The following MAGEB1 variants were observed in gnomAD, a reference collection of about 807,000 sequenced individuals.
The protein encoded by MAGEB1 is melanoma-associated antigen B1.
For synonymous variants in MAGEB1, 99 were observed against 105.7 expected, an observed-to-expected ratio of 0.94 and a Z score of 0.39; for missense variants, 290 against 286.7, an observed-to-expected ratio of 1.01 and a Z score of -0.08.
upstream of MAGEB1, chrX:30,243,929 GT>G (rs1295468266): frequency 1.6e-5 from 2 of 124,106 alleles, no homozygotes; most frequent in African/African-American, 6.4e-5. Context: ...TCTTTTTCCT[GT>G]TTTTCAGTGT....
chrX:30,245,034 G>A (rs922556713), upstream of MAGEB1, among the ~76,000 whole-genome samples: 14 of 111,667 alleles, frequency 1.3e-4, no homozygotes, highest in African/African-American at 4.6e-4. Flanking sequence ...AAATTCTAAG[G>A]GAGATCTAGA....
rs1279744981 is a variant in MAGEB1 at position 30,251,127 on chromosome X, G to C, written c.634G>C (p.Gly212Arg). 5.0e-6 allele frequency: 6 copies of C among 1,210,952 alleles called. No homozygotes were observed. In the East Asian group the frequency reaches 1.8e-4, roughly 36 times the overall value. Residue 212 changes from glycine (G) to arginine (R), a missense_variant, in exon 2 of 2, where the codon GGC becomes CGC. Coordinates refer to ENST00000397548, the MANE Select transcript of MAGEB1 (RefSeq NM_177404.3). ...TCTCCTGGGTGTGATCTTCTTAAAG[G>C]GCAACTCTGCCACCGAGGAAGAGAT... ...MPLLGVIFLK[G>R]NSATEEEIWK...
In MAGEB1 at chrX:30,251,090, G is replaced by A; in HGVS notation, c.597G>A (p.Gly199=). ...ATGATTGGGACTTTCCCAGGAATGG[G>A]CTTCTGATGCCTCTCCTGGGTGTGA... ...LSNDWDFPRN[G]LLMPLLGVIF... The change falls in exon 2 of 2, where the codon GGG becomes GGA. Residue 199 remains glycine (G), a synonymous_variant. Coordinates refer to ENST00000397548, the MANE Select transcript of MAGEB1 (RefSeq NM_177404.3). 1 of 1,210,384 alleles carries A rather than the reference G, an allele frequency of 8.3e-7. No individual in the cohort carries two copies. The highest frequency in any genetic ancestry group is 1.8e-5 in the South Asian group (1 of 56,606).
In MAGEB1 at chrX:30,251,163, A is replaced by G; in HGVS notation, c.670A>G (p.Met224Val). Residue 224 changes from methionine (M) to valine (V), a missense_variant, in exon 2 of 2, where the codon ATG (methionine) becomes GTG (valine). Physicochemically the swap from Met to Val is conservative, Grantham distance 21. Transcript: ENST00000397548. ...CACCGAGGAAGAGATCTGGAAATTC[A>G]TGAATGTGTTGGGAGCCTATGATGG... ...SATEEEIWKF[M>V]NVLGAYDGEE... 2 of 1,211,967 alleles carry G rather than the reference A, an allele frequency of 1.7e-6. No homozygotes were observed. The highest frequency in any genetic ancestry group is 2.2e-6 in the Non-Finnish European group (2 of 895,489).
At position 30,250,956 on chromosome X, in the gene MAGEB1, C is replaced by T. The variant is rs764168405; in HGVS notation, c.463C>T (p.Arg155Cys). The change falls in exon 2 of 2, where the codon CGC becomes TGC. Residue 155 changes from arginine to cysteine, a missense_variant. Transcript: ENST00000397548. Reference sequence around the variant, plus strand: ...CACTGAGATCCTCAATGGAGCCTCTCGCCGCTTGGAGCTCGTCTTTGGCCT... The same window carrying T: ...CACTGAGATCCTCAATGGAGCCTCTTGCCGCTTGGAGCTCGTCTTTGGCCT... ...HFTEILNGASRRLELVFGLDL... is the reference protein window; with the variant it reads ...HFTEILNGASCRLELVFGLDL... 6.6e-6 allele frequency: 8 copies of T among 1,209,761 alleles called. No individual in the cohort carries two copies. Among genetic ancestry groups the T allele is most frequent in the South Asian group, 5.3e-5 (3 of 56,672 alleles).
intron 1 of MAGEB1, among the ~76,000 whole-genome samples, chrX:30,249,143 AGT>A (rs1483050857): frequency 9.0e-6 from 1 of 111,430 alleles, no homozygotes; most frequent in Admixed American, 9.5e-5. Flanking sequence ...GGAAGAATCA[AGT>A]GGGATTAGAG....
chrX:30,244,183 A>T (rs1333042805), upstream of MAGEB1: 1 of 123,800 alleles, frequency 8.1e-6, no homozygotes, highest in Non-Finnish European at 1.9e-5. Flanking sequence ...GTAGAGAAAA[A>T]AAAAGTAAAA....
intron 1 of MAGEB1, among the ~76,000 whole-genome samples, chrX:30,249,228 C>T (rs1283443268): frequency 9.0e-6 from 1 of 111,358 alleles, no homozygotes; most frequent in African/African-American, 3.3e-5. Flanking sequence ...CCATAGAGGA[C>T]GTGGTGACTG....
At chrX:30,244,749 C>G (rs1925254458), upstream of MAGEB1, among the ~76,000 whole-genome samples, 1 of 111,894 alleles carries the variant, frequency 8.9e-6, no homozygotes, top group African/African-American at 3.3e-5. Flanking sequence ...TTGCCTTTAA[C>G]AGTTACTTTG....
intron 1 of MAGEB1, 101 bp downstream of exon 1, chrX:30,247,357 CG>C (rs778874383): frequency 4.3e-4 from 48 of 112,712 alleles, no homozygotes; most frequent in Admixed American, 3.9e-3. Flanking sequence ...CCTGGGCTGC[CG>C]GATGTGGCTC....
chrX:30,250,908 G>A lies in MAGEB1; in HGVS notation c.415G>A (p.Asp139Asn). 1 of 1,212,103 alleles carries A rather than the reference G, an allele frequency of 8.3e-7. No individual in the cohort carries two copies. Among genetic ancestry groups the A allele is most frequent in the South Asian group, 1.8e-5 (1 of 56,982 alleles). ...GAAGGCAGATATGCTGAAGGTTGTT[G>A]ATGAAAAGTACAAGGATCACTTCAC... Reference protein sequence around the residue: ...IMKADMLKVVDEKYKDHFTEI... With the variant: ...IMKADMLKVVNEKYKDHFTEI... The change falls in exon 2 of 2, where the codon GAT becomes AAT. Residue 139 changes from aspartate (D) to asparagine (N), a missense_variant. Asp to Asn is a conservative substitution (Grantham distance 23). Coordinates refer to ENST00000397548, the MANE Select transcript of MAGEB1 (RefSeq NM_177404.3).
In MAGEB1 at chrX:30,250,874, G is replaced by A; in HGVS notation, c.381G>A (p.Glu127=). 1 of 1,212,029 alleles carries A rather than the reference G, an allele frequency of 8.3e-7. No homozygotes were observed. ...TTCTACGTAAGTATAAAATGAGAGAGCCCATTATGAAGGCAGATATGCTGA... is the reference window on the plus strand; with the variant it reads ...TTCTACGTAAGTATAAAATGAGAGAACCCATTATGAAGGCAGATATGCTGA... ...HFILRKYKMR[E]PIMKADMLKV... is the part of the protein sequence containing the mutation. Residue 127 remains glutamate (E), a synonymous_variant, in exon 2 of 2, where the codon GAG becomes GAA. Coordinates refer to ENST00000397548, the MANE Select transcript of MAGEB1 (RefSeq NM_177404.3).
chrX:30,250,640 C>G lies in MAGEB1; in HGVS notation c.147C>G (p.Pro49=), dbSNP rs749056919. Residue 49 remains proline, a synonymous_variant, in exon 2 of 2, where the codon CCC becomes CCG. Transcript: ENST00000397548. ...CCTCTCCTGTTTTAGGGGATACTCC[C>G]ACAAGCTCCCCTGCTGCTGGCATTC... ...PSSSPVLGDT[P]TSSPAAGIPQ... 5.0e-6 allele frequency: 6 copies of G among 1,210,747 alleles called. No individual in the cohort carries two copies. Among genetic ancestry groups the G allele is most frequent in the South Asian group, 1.8e-5 (1 of 56,596 alleles).
chrX:30,248,902 T>C (rs1401136058), intron 1 of MAGEB1, among the ~76,000 whole-genome samples: 1 of 111,707 alleles, frequency 9.0e-6, no homozygotes, highest in African/African-American at 3.3e-5. Context: ...AAAGTTTCAC[T>C]TCTTCCTCAG....
chrX:30,250,387 A>G, intron 1 of MAGEB1, 47 bp from the exon 2 acceptor site: 2 of 673,022 alleles, frequency 3.0e-6, no homozygotes, highest in Non-Finnish European at 4.4e-6. Flanking sequence ...CCAAGGTGGT[A>G]CCTCCCTGCT....
intron 1 of MAGEB1, among the ~76,000 whole-genome samples, 163 bp from the exon 2 acceptor site, chrX:30,250,271 A>G (rs1017810501): frequency 4.5e-5 from 5 of 111,306 alleles, no homozygotes; most frequent in Non-Finnish European, 9.4e-5. Context: ...TACACTGCCA[A>G]CCTCTGCTGT....
In MAGEB1 at chrX:30,250,884, A is replaced by G; in HGVS notation, c.391A>G (p.Lys131Glu). The change falls in exon 2 of 2, where the codon AAG becomes GAG. Residue 131 changes from lysine to glutamate, a missense_variant. Coordinates refer to ENST00000397548, the MANE Select transcript of MAGEB1 (RefSeq NM_177404.3). The part of the protein sequence containing the change: ...RKYKMREPIM[K>E]ADMLKVVDEK... ...GTATAAAATGAGAGAGCCCATTATG[A>G]AGGCAGATATGCTGAAGGTTGTTGA... 1 of 1,212,052 alleles carries G rather than the reference A, an allele frequency of 8.3e-7. No individual in the cohort carries two copies. The highest frequency in any genetic ancestry group is 1.7e-5 in the African/African-American group (1 of 57,947).
chrX:30,247,002 C>T (rs751476117), upstream of MAGEB1, among the ~76,000 whole-genome samples: 59 of 112,217 alleles, frequency 5.3e-4, no homozygotes, highest in Admixed American at 2.3e-3. Context: ...TTTGGGTCAG[C>T]AGGCGGAGTC....
At position 30,251,460 on chromosome X, in the gene MAGEB1, G is replaced by A. The variant is rs781571297; in HGVS notation, c.967G>A (p.Ala323Thr). 3.3e-6 allele frequency: 4 copies of A among 1,211,674 alleles called. No homozygotes were observed. The Admixed American group carries it at 8.7e-5, about 26-fold the overall frequency. The change falls in exon 2 of 2, where the codon GCC becomes ACC. Residue 323 changes from alanine (A) to threonine (T), a missense_variant. Coordinates refer to ENST00000397548, the MANE Select transcript of MAGEB1 (RefSeq NM_177404.3). The stretch of plus-strand genomic sequence containing the variant: ...AGCCCAAGTCCGATCCAGTGTTAGA[G>A]CCAGGCGTCGCACTACTGCCACGAC... The part of the protein sequence containing the change: ...ERAQVRSSVR[A>T]RRRTTATTFR...
Sources: allele counts gnomAD v4.1 joint callset (sites outside exome capture counted in the v4.1 genomes callset), GRCh38; gene constraint gnomAD v4.1.1; transcripts MANE v1.5; gene names NCBI Gene and HGNC (gene_info 2026-07-23, HGNC 2026-07-21).